Variants in KCNIP4 observed in about 807,000 individuals in gnomAD.
KCNIP4 encodes potassium voltage-gated channel interacting protein 4.
Under a neutral mutation model 34.0 loss-of-function variants are expected in KCNIP4, and 12 were observed. That is an observed-to-expected ratio of 0.35 (90% CI 0.23 to 0.57). The LOEUF (loss-of-function observed/expected upper bound fraction) is 0.57, where lower values mean the gene tolerates loss of function less well. Among genes scored for constraint, KCNIP4 ranks in the 20% least tolerant of loss-of-function variants. The pLI is 0.83. For synonymous variants in KCNIP4, 124 were observed against 102.2 expected (o/e 1.21, Z -1.29); for missense variants, 238 against 311.7 (o/e 0.76, Z 1.78).
chr4:20,729,251 A>C lies in KCNIP4; in HGVS notation c.*831T>G, dbSNP rs1009306447. On this transcript the variant is annotated 3_prime_UTR_variant, in exon 9 of 9. Coordinates refer to ENST00000382152, the MANE Select transcript of KCNIP4 (RefSeq NM_025221.6). ...TATATACTGGAGGATAGATATCCTG[A>C]CCCTTTGCATATGTCTGTAAACATC... is the stretch of plus-strand genomic sequence containing the variant. The C allele has an allele frequency of 6.6e-6, 1 of 151,886 alleles. No homozygotes were observed. The highest frequency in any genetic ancestry group is 1.5e-5 in the Non-Finnish European group (1 of 68,002). 9.4% of individuals were successfully genotyped at this position (151,886 alleles called of 1,614,324 possible).
chr4:21,654,025 C>A (rs1464452671), intron 1 of KCNIP4, among the ~76,000 whole-genome samples: 2 of 152,122 alleles, frequency 1.3e-5, no homozygotes, highest in Admixed American at 1.3e-4. Flanking sequence ...CTCTTATTTG[C>A]CATTAACCTA....
chr4:20,729,927 A>ATCTT lies in KCNIP4; in HGVS notation c.*151_*154dup. The ATCTT allele has an allele frequency of 1.2e-6, 1 of 817,822 alleles. No individual in the cohort carries two copies. Among genetic ancestry groups the ATCTT allele is most frequent in the Non-Finnish European group, 1.7e-6 (1 of 572,694 alleles). 50.7% of individuals were successfully genotyped at this position (817,822 alleles called of 1,614,324 possible). ...TGCAAATTTATAACTGAAAGCTCAA[A>ATCTT]TCTTTTGGGGATTGCTTTATATTAA... On this transcript the variant is annotated 3_prime_UTR_variant, in exon 9 of 9. Coordinates refer to ENST00000382152, the MANE Select transcript of KCNIP4 (RefSeq NM_025221.6).
intron 1 of KCNIP4, among the ~76,000 whole-genome samples, chr4:21,232,918 C>T (rs1310358456): frequency 6.6e-6 from 1 of 152,040 alleles, no homozygotes; most frequent in East Asian, 1.9e-4. Flanking sequence ...GAATGTAGGT[C>T]TGAGTGAAAG....
intron 1 of KCNIP4, among the ~76,000 whole-genome samples, chr4:21,452,049 T>C (rs58093966): frequency 0.32 from 48,907 of 151,796 alleles, 8,678 homozygotes; most frequent in African/African-American, 0.47. Flanking sequence ...CCCCCCCAAC[T>C]CCGCCTTCCA....
At chr4:21,030,664 C>T (rs1032157142) in intron 1 of KCNIP4, among the ~76,000 whole-genome samples, 4 of 152,124 alleles carry the variant, frequency 2.6e-5, no homozygotes, top group Non-Finnish European at 4.4e-5. Context: ...TCAGGACTTA[C>T]GCATGTTGCT....
At chr4:21,916,491 T>C (rs959774050) in intron 1 of KCNIP4, among the ~76,000 whole-genome samples, 9 of 152,322 alleles carry the variant, frequency 5.9e-5, no homozygotes, top group African/African-American at 2.2e-4. Flanking sequence ...TCATAGAAAT[T>C]CTCCATGATT....
rs1443820834 is a variant in KCNIP4, at chr4:20,835,163, T to C, written c.288+15380A>G. 2.6e-5 allele frequency among the ~76,000 whole-genome samples: 4 copies of C among 152,202 alleles called. 1 individual carries two copies. The highest frequency in any genetic ancestry group is 4.1e-4 in the South Asian group (2 of 4,826). On this transcript the variant is annotated intron_variant, in intron 3 of 8. Transcript: ENST00000382152. ...TCAATGCCTGTTTTTTGAAGGACTA[T>C]TGTCTTTGGGTTTATGTGATACCAC...
At chr4:21,282,820 T>A in intron 1 of KCNIP4, among the ~76,000 whole-genome samples, 1 of 152,178 alleles carries the variant, frequency 6.6e-6, no homozygotes, top group East Asian at 1.9e-4. Flanking sequence ...AGTTTTCATC[T>A]CCATTCTTGA....
intron 3 of KCNIP4, among the ~76,000 whole-genome samples, chr4:20,768,794 C>T (rs1755626067): frequency 6.6e-6 from 1 of 152,118 alleles, no homozygotes; most frequent in Admixed American, 6.5e-5. Context: ...CCTGAACACA[C>T]TTCTGGGGTC....
chr4:20,963,166 C>CA (rs150883051), intron 1 of KCNIP4, among the ~76,000 whole-genome samples: 2,413 of 142,432 alleles, frequency 0.017, 47 homozygotes, highest in Middle Eastern at 0.054. Context: ...ACTAAAAATA[C>CA]AAAAAAAAAA....
chr4:21,492,827 A>T (rs746020520), intron 1 of KCNIP4, among the ~76,000 whole-genome samples: 2 of 152,224 alleles, frequency 1.3e-5, no homozygotes, highest in Admixed American at 6.5e-5. Context: ...CATGAAATAC[A>T]GTCTAATAAA....
intron 1 of KCNIP4, among the ~76,000 whole-genome samples, chr4:21,821,757 G>A (rs939607662): frequency 5.9e-5 from 9 of 151,992 alleles, no homozygotes; most frequent in African/African-American, 2.2e-4. Flanking sequence ...GAGTACAGTT[G>A]TCCACATTGT....
At chr4:21,186,247 G>T (rs1755221028) in intron 1 of KCNIP4, among the ~76,000 whole-genome samples, 1 of 152,128 alleles carries the variant, frequency 6.6e-6, no homozygotes, top group Admixed American at 6.5e-5. Context: ...ATTGTCATAA[G>T]GAAACAGTGA....
chr4:21,948,521 G>C (rs1032957680), intron 1 of KCNIP4, 50 bp downstream of exon 1: 1 of 1,580,642 alleles, frequency 6.3e-7, no homozygotes. Flanking sequence ...TGGCTCGCGA[G>C]GGAAGGAGGG....
At chr4:20,806,409 G>T (rs965983179) in intron 3 of KCNIP4, among the ~76,000 whole-genome samples, 3 of 151,712 alleles carry the variant, frequency 2.0e-5, no homozygotes, top group Non-Finnish European at 4.4e-5. Flanking sequence ...TTACTCATTT[G>T]TTTTAAAATT....
chr4:21,689,742 A>T (rs1354101496), intron 1 of KCNIP4, among the ~76,000 whole-genome samples: 1 of 152,198 alleles, frequency 6.6e-6, no homozygotes, highest in East Asian at 1.9e-4. Flanking sequence ...ATATAGAACG[A>T]TGAAATGCTC....
intron 1 of KCNIP4, among the ~76,000 whole-genome samples, chr4:21,795,901 C>G (rs1438895347): frequency 6.6e-6 from 1 of 152,078 alleles, no homozygotes; most frequent in Non-Finnish European, 1.5e-5. Flanking sequence ...GAGACCCTGT[C>G]TCTACTAAAA....
chr4:21,879,786 A>G (rs1726359897), intron 1 of KCNIP4, among the ~76,000 whole-genome samples: 1 of 152,140 alleles, frequency 6.6e-6, no homozygotes, highest in East Asian at 1.9e-4. Context: ...CTCATCTTAT[A>G]GTTCCCATAA....
At position 21,240,034 on chromosome 4, in the gene KCNIP4, C is replaced by T. The variant is rs188693925; in HGVS notation, c.62-357325G>A. ...TGTGGCACATATACACCATGGAATA[C>T]TATGCAGCCATAAAAAATGATGAGT... On this transcript the variant is annotated intron_variant, in intron 1 of 8. Coordinates refer to ENST00000382152, the MANE Select transcript of KCNIP4 (RefSeq NM_025221.6). Among the ~76,000 whole-genome samples, 172 of 151,982 alleles carry T rather than the reference C, an allele frequency of 1.1e-3. 2 individuals carry two copies. The highest frequency in any genetic ancestry group is 6.2e-3 in the East Asian group (32 of 5,142).
Sources: gnomAD v4.1 joint callset for allele counts (sites outside exome capture counted in the v4.1 genomes callset) on GRCh38, gnomAD v4.1.1 for gene constraint, MANE v1.5 for transcripts, NCBI Gene and HGNC (gene_info 2026-07-23, HGNC 2026-07-21) for gene names.